The following HS3ST4 variants were observed in gnomAD, a reference collection of about 807,000 sequenced individuals.
HS3ST4 encodes the protein heparan sulfate-glucosamine 3-sulfotransferase 4.
A neutral mutation model predicts 29.2 loss-of-function variants in HS3ST4; 17 were observed. The observed-to-expected ratio is 0.58, with a 90% CI of 0.40 to 0.87. HS3ST4 has a LOEUF of 0.87. Among genes scored for constraint, HS3ST4 ranks in the 40% least tolerant of loss-of-function variants. The pLI is 0.00. For synonymous variants in HS3ST4, 314 were observed against 285.7 expected, an observed-to-expected ratio of 1.10 and a Z score of -1.00; for missense variants, 627 against 634.5, an observed-to-expected ratio of 0.99 and a Z score of 0.13.
At chr16:25,956,811 A>T (rs1191465421) in intron 1 of HS3ST4, among the ~76,000 whole-genome samples, 2 of 152,070 alleles carry the variant, frequency 1.3e-5, no homozygotes, top group East Asian at 3.9e-4. Flanking sequence ...ATCCTGGCTA[A>T]CACGATGAAA....
chr16:25,812,305 G>A (rs531185803), intron 1 of HS3ST4, among the ~76,000 whole-genome samples: 24 of 152,042 alleles, frequency 1.6e-4, no homozygotes, highest in African/African-American at 5.1e-4. Context: ...CTTCCATTAC[G>A]TCCCAGCTCA....
chr16:25,772,071 C>T (rs1176555759), intron 1 of HS3ST4, among the ~76,000 whole-genome samples: 3 of 152,218 alleles, frequency 2.0e-5, no homozygotes, highest in African/African-American at 7.2e-5. Flanking sequence ...TCAACTCTGC[C>T]CTTGTAGCAT....
chr16:25,871,816 G>T (rs986730868), intron 1 of HS3ST4, among the ~76,000 whole-genome samples: 1 of 152,082 alleles, frequency 6.6e-6, no homozygotes, highest in Non-Finnish European at 1.5e-5. Flanking sequence ...AAAGGTCCTG[G>T]ATCAGGCTAG....
intron 1 of HS3ST4, among the ~76,000 whole-genome samples, chr16:25,838,600 T>A (rs1967384003): frequency 6.6e-6 from 1 of 152,198 alleles, no homozygotes; most frequent in African/African-American, 2.4e-5. Flanking sequence ...AGTTGGCTAT[T>A]TAGGATCTGG....
intron 1 of HS3ST4, among the ~76,000 whole-genome samples, chr16:25,851,875 C>T (rs563071781): frequency 0.048 from 291 of 6,076 alleles, 1 homozygote; most frequent in African/African-American, 0.22. Context: ...ACGACACTTT[C>T]GAAGTTATTA....
intron 1 of HS3ST4, among the ~76,000 whole-genome samples, chr16:25,802,957 GTGTGTGTA>G (rs1026009532): frequency 2.7e-4 from 36 of 134,342 alleles, no homozygotes; most frequent in South Asian, 1.2e-3. Context: ...GTGTGTGTGT[GTGTGTGTA>G]TATATTTCTT....
chr16:25,971,409 G>A (rs60610421), intron 1 of HS3ST4, among the ~76,000 whole-genome samples: 7,939 of 151,956 alleles, frequency 0.052, 735 homozygotes, highest in African/African-American at 0.18. Flanking sequence ...CCCAAACATC[G>A]ACTTCAGCAA....
intron 1 of HS3ST4, among the ~76,000 whole-genome samples, chr16:25,782,518 A>G (rs1207881243): frequency 2.6e-5 from 4 of 152,150 alleles, no homozygotes; most frequent in Non-Finnish European, 5.9e-5. Context: ...TCAGAATTCA[A>G]TTTATAAGAA....
chr16:25,935,913 C>CT lies in HS3ST4; in HGVS notation c.735-199691dup, dbSNP rs142594021. Among the ~76,000 whole-genome samples, 32 of 151,762 alleles carry CT rather than the reference C, an allele frequency of 2.1e-4. No individual in the cohort carries two copies. The East Asian group carries it at 2.7e-3, about 13-fold the overall frequency. On this transcript the variant is annotated intron_variant, in intron 1 of 1. Transcript: ENST00000331351. ...CAAAAAAGTATACTGAGATACTAGA[C>CT]TTTTTTTTAATTTTTGAAAACTAAT...
intron 1 of HS3ST4, among the ~76,000 whole-genome samples, chr16:26,078,110 TG>T (rs1898684879): frequency 6.6e-6 from 1 of 152,172 alleles, no homozygotes. Flanking sequence ...CACTGTGGGC[TG>T]GGATGTGAAA....
At chr16:25,710,808 CTTTTTTTTTTT>C (rs34759495) in intron 1 of HS3ST4, among the ~76,000 whole-genome samples, 7 of 48,522 alleles carry the variant, frequency 1.4e-4, no homozygotes, top group Admixed American at 8.1e-4. Flanking sequence ...GCATATTATC[CTTTTTTTTTTT>C]TTTTTTTTTT....
intron 1 of HS3ST4, among the ~76,000 whole-genome samples, chr16:25,719,353 A>G (rs928901194): frequency 1.3e-5 from 2 of 152,220 alleles, no homozygotes; most frequent in Non-Finnish European, 2.9e-5. Flanking sequence ...GTGAAACTTG[A>G]TCTAAATAAG....
At position 26,127,934 on chromosome 16, in the gene HS3ST4, C is replaced by T. The variant is rs572609802; in HGVS notation, c.735-7678C>T. Reference sequence around the variant, plus strand: ...TGTGTTATTTAAACCTGGGATGCTTCTTTCATTTTTTCTCAGTATTTCAAT... The same window carrying T: ...TGTGTTATTTAAACCTGGGATGCTTTTTTCATTTTTTCTCAGTATTTCAAT... On this transcript the variant is annotated intron_variant, in intron 1 of 1. Coordinates refer to ENST00000331351, the MANE Select transcript of HS3ST4 (RefSeq NM_006040.3). 5.3e-5 allele frequency among the ~76,000 whole-genome samples: 8 copies of T among 152,276 alleles called. No homozygotes were observed. In the South Asian group the frequency reaches 1.5e-3, roughly 28 times the overall value.
intron 1 of HS3ST4, among the ~76,000 whole-genome samples, chr16:25,907,708 A>G (rs1180286193): frequency 3.3e-5 from 5 of 152,176 alleles, no homozygotes; most frequent in Admixed American, 1.3e-4. Flanking sequence ...GGGCCCCCCA[A>G]AACACACACA....
At chr16:26,007,052 C>T (rs191652807) in intron 1 of HS3ST4, among the ~76,000 whole-genome samples, 90 of 152,272 alleles carry the variant, frequency 5.9e-4, no homozygotes, top group Middle Eastern at 3.4e-3. Flanking sequence ...TTTGCAAAGG[C>T]GGTTTCAAGA....
intron 1 of HS3ST4, among the ~76,000 whole-genome samples, chr16:26,123,069 C>CGG (rs1200321112): frequency 6.6e-6 from 1 of 150,874 alleles, no homozygotes; most frequent in African/African-American, 2.4e-5. Flanking sequence ...AAAAAAAAAC[C>CGG]GGGGGCTTGA....
chr16:26,066,591 C>T (rs765046627), intron 1 of HS3ST4, among the ~76,000 whole-genome samples: 2 of 152,116 alleles, frequency 1.3e-5, no homozygotes, highest in African/African-American at 2.4e-5. Context: ...CTGCAAGAAA[C>T]CTGGGTGATT....
At chr16:26,086,328 G>GTTTCTT (rs1308073552) in intron 1 of HS3ST4, among the ~76,000 whole-genome samples, 3 of 150,886 alleles carry the variant, frequency 2.0e-5, no homozygotes, top group African/African-American at 4.9e-5. Flanking sequence ...GAAGATTTTT[G>GTTTCTT]TTTCTTTTTC....
chr16:25,949,512 GC>G (rs1175627680), intron 1 of HS3ST4, among the ~76,000 whole-genome samples: 4 of 152,148 alleles, frequency 2.6e-5, no homozygotes, highest in African/African-American at 9.7e-5. Flanking sequence ...GGAAACCAGA[GC>G]TGGACAGAGG....
Sources: gnomAD v4.1 joint callset for allele counts (sites outside exome capture counted in the v4.1 genomes callset) on GRCh38, gnomAD v4.1.1 for gene constraint, MANE v1.5 for transcripts, NCBI Gene and HGNC (gene_info 2026-07-23, HGNC 2026-07-21) for gene names.